The following RNF217 variants were observed in gnomAD, a reference collection of about 807,000 sequenced individuals.
RNF217 encodes the protein ring finger protein 217.
RNF217 carries 31 observed loss-of-function variants against 57.8 expected under a neutral mutation model. That is an observed-to-expected ratio of 0.54 (90% confidence interval 0.40 to 0.72). The LOEUF is 0.72. RNF217 is among the 30% of genes least tolerant of loss of function. The pLI, the probability that RNF217 is intolerant of heterozygous loss-of-function variation, is 0.00. For missense variants in RNF217, 696 were observed against 708.3 expected (o/e 0.98, Z 0.20); for synonymous variants, 313 against 294.0 (o/e 1.06, Z -0.66).
chr6:125,075,485 A>G (rs1444066315), intron 3 of RNF217, among the ~76,000 whole-genome samples: 1 of 152,130 alleles, frequency 6.6e-6, no homozygotes, highest in Non-Finnish European at 1.5e-5. Context: ...GAGAGAATGA[A>G]TGCAAGCAGG....
chr6:124,963,160 A>G lies in RNF217; in HGVS notation c.616A>G (p.Ser206Gly). 6.5e-7 allele frequency: 1 copy of G among 1,534,650 alleles called. No homozygotes were observed. The highest frequency in any genetic ancestry group is 8.7e-7 in the Non-Finnish European group (1 of 1,146,160). ...NPPSTRSSFP[S>G]PRLSLPTDSL... The stretch of plus-strand genomic sequence containing the variant: ...TCCCAGCACCCGCTCTTCCTTCCCC[A>G]GCCCCCGACTGTCCCTCCCAACGGA... The change falls in exon 1 of 6, where the codon AGC becomes GGC. Residue 206 changes from serine (S) to glycine (G), a missense_variant. By Grantham distance (56) the Ser-to-Gly change is moderately conservative. This residue lies in a region of RNF217 where 465 missense variants were observed against 386.8 expected (regional missense o/e 1.20). Transcript: ENST00000521654.
intron 1 of RNF217, among the ~76,000 whole-genome samples, chr6:125,039,704 C>T (rs985712609): frequency 4.6e-5 from 7 of 152,178 alleles, no homozygotes; most frequent in Non-Finnish European, 8.8e-5. Context: ...GGAAGTAAAA[C>T]ACTCCTCAGC....
In RNF217 at chr6:125,089,613, CAATA is replaced by C. The variant is rs2114675605; in HGVS notation, c.*6677_*6680del. On this transcript the variant is annotated 3_prime_UTR_variant, in exon 6 of 6. Coordinates refer to ENST00000521654, the MANE Select transcript of RNF217 (RefSeq NM_001286398.3). ...TGATATGATTTAGATATGCCACACT[CAATA>C]TATTTAGTATAGATTCAGTACATAA... The C allele has an allele frequency of 6.6e-6, 1 of 152,158 alleles. No homozygotes were observed. The allele number at this position is 152,158 out of a possible 1,614,324, so 9.4% of individuals were successfully genotyped here. A position where few individuals can be genotyped will look rare whatever the true frequency, so the allele number is the denominator to read the frequency against.
intron 1 of RNF217, among the ~76,000 whole-genome samples, chr6:124,973,528 A>G (rs1783839881): frequency 6.6e-6 from 1 of 152,272 alleles, no homozygotes; most frequent in African/African-American, 2.4e-5. Context: ...CTCAATAAAT[A>G]TTTGTTAAAG....
At chr6:125,077,682 C>A (rs1788430600) in intron 4 of RNF217, among the ~76,000 whole-genome samples, 1 of 152,162 alleles carries the variant, frequency 6.6e-6, no homozygotes, top group African/African-American at 2.4e-5. Context: ...TGGAATGTAA[C>A]CATGTGAGAT....
intron 1 of RNF217, among the ~76,000 whole-genome samples, chr6:125,042,121 G>T (rs1012512339): frequency 2.6e-5 from 4 of 152,122 alleles, no homozygotes; most frequent in Admixed American, 2.0e-4. Flanking sequence ...TTCTGAAAAA[G>T]ATATGCATGT....
At chr6:124,999,798 A>T (rs1047055940) in intron 1 of RNF217, among the ~76,000 whole-genome samples, 14 of 152,216 alleles carry the variant, frequency 9.2e-5, no homozygotes, top group African/African-American at 3.4e-4. Flanking sequence ...GTTAAAAAAA[A>T]ATCCAGTTGT....
intron 1 of RNF217, among the ~76,000 whole-genome samples, chr6:124,974,662 G>A (rs1324183685): frequency 1.3e-5 from 2 of 152,080 alleles, no homozygotes; most frequent in Non-Finnish European, 2.9e-5. Context: ...GAATATCTTT[G>A]TTAATGAAAG....
rs6912698 is a variant in RNF217 at position 124,981,889 on chromosome 6, G to C, written c.882+18463G>C. On this transcript the variant is annotated intron_variant, in intron 1 of 5. Coordinates refer to ENST00000521654, the MANE Select transcript of RNF217 (RefSeq NM_001286398.3). ...AAAAAAAAAAAAAATTTGGCCGGGC[G>C]TGGTTATGGGCACCTGTAGTCCCAG... Among the ~76,000 whole-genome samples the C allele has an allele frequency of 2.6e-5, 4 of 151,164 alleles. No homozygotes were observed. The East Asian group carries it at 5.9e-4, about 22-fold the overall frequency.
chr6:124,963,270 T>G lies in RNF217; in HGVS notation c.726T>G (p.Ala242=). The change falls in exon 1 of 6, where the codon GCT becomes GCG. Residue 242 remains alanine (A), a synonymous_variant. Transcript: ENST00000521654. ...TCTCCATGCCCAGCCTGTTGGGAGC[T>G]CCACCCTACTCTGGCCTGGGCGGTG... ...EPFSMPSLLG[A]PPYSGLGGVG... 6.5e-7 allele frequency: 1 copy of G among 1,535,988 alleles called. No individual in the cohort carries two copies. The highest frequency in any genetic ancestry group is 1.2e-5 in the South Asian group (1 of 84,030).
chr6:124,974,498 C>T, intron 1 of RNF217, among the ~76,000 whole-genome samples: 1 of 152,050 alleles, frequency 6.6e-6, no homozygotes, highest in Middle Eastern at 3.2e-3. Context: ...TTAGGTAGTT[C>T]CACTGTAATT....
intron 4 of RNF217, among the ~76,000 whole-genome samples, 190 bp downstream of exon 4, chr6:125,077,048 C>T (rs1487824764): frequency 6.6e-6 from 1 of 152,096 alleles, no homozygotes; most frequent in African/African-American, 2.4e-5. Context: ...CTTATATGAG[C>T]AAGTAGTAAT....
At position 124,962,743 on chromosome 6, in the gene RNF217, C is replaced by T; in HGVS notation, c.199C>T (p.Pro67Ser). 3 of 1,582,312 alleles carry T rather than the reference C, an allele frequency of 1.9e-6. No homozygotes were observed. The highest frequency in any genetic ancestry group is 1.1e-5 in the South Asian group (1 of 89,626). ...CTGGGGCTGCGCGGACACCAGCGCC[C>T]CAGAGCCCGCGAGGAGCCTGGGGCC... ...SDWGCADTSAPEPARSLGPPG... is the reference protein window; with the variant it reads ...SDWGCADTSASEPARSLGPPG... The change falls in exon 1 of 6, where the codon CCA (proline) becomes TCA (serine). Residue 67 changes from proline to serine, a missense_variant. This residue lies in a region of RNF217 where 465 missense variants were observed against 386.8 expected (regional missense o/e 1.20). Coordinates refer to ENST00000521654, the MANE Select transcript of RNF217 (RefSeq NM_001286398.3). This position sits in a 1 kb window ranked among gnomAD's most constrained non-coding sequence, Gnocchi z 4.6.
At chr6:125,074,521 GAAATACTGCACAT>G (rs1353675728) in intron 3 of RNF217, among the ~76,000 whole-genome samples, 1 of 152,098 alleles carries the variant, frequency 6.6e-6, no homozygotes, top group Non-Finnish European at 1.5e-5. Context: ...CCCTAAAACT[GAAATACTGCACAT>G]AATTTGGAGT....
At chr6:125,002,411 T>C (rs757946255) in intron 1 of RNF217, among the ~76,000 whole-genome samples, 1 of 151,998 alleles carries the variant, frequency 6.6e-6, no homozygotes, top group Non-Finnish European at 1.5e-5. Context: ...CTTCCATTTC[T>C]GTATCCAAAT....
At chr6:125,056,482 G>A (rs1787527449) in intron 2 of RNF217, among the ~76,000 whole-genome samples, 2 of 152,042 alleles carry the variant, frequency 1.3e-5, no homozygotes, top group Admixed American at 1.3e-4. Flanking sequence ...AATAACAAAA[G>A]TACTTTTACT....
At chr6:125,069,995 C>A (rs543793039) in intron 3 of RNF217, among the ~76,000 whole-genome samples, 4 of 152,082 alleles carry the variant, frequency 2.6e-5, no homozygotes, top group South Asian at 2.1e-4. Flanking sequence ...TATGCCTCAT[C>A]CCTTTCCCAC....
chr6:125,073,781 T>A (rs1052814045), intron 3 of RNF217, among the ~76,000 whole-genome samples: 1 of 152,110 alleles, frequency 6.6e-6, no homozygotes, highest in Non-Finnish European at 1.5e-5. Context: ...ACCCGGGTAT[T>A]TGATTTCTGG....
intron 1 of RNF217, among the ~76,000 whole-genome samples, chr6:125,028,868 T>C (rs1355615189): frequency 6.6e-6 from 1 of 152,110 alleles, no homozygotes; most frequent in Non-Finnish European, 1.5e-5. Context: ...TGTGCTGTCT[T>C]ACTGCCTTTT....
Sources: allele counts gnomAD v4.1 joint callset (sites outside exome capture counted in the v4.1 genomes callset), GRCh38; gene constraint gnomAD v4.1.1; regional missense constraint gnomAD v4.1.1; non-coding constraint Gnocchi (gnomAD v3.1); transcripts MANE v1.5; gene names NCBI Gene and HGNC (gene_info 2026-07-23, HGNC 2026-07-21).